The following SAMD5 variants were observed in gnomAD, a reference collection of about 807,000 sequenced individuals.
SAMD5 encodes the protein sterile alpha motif domain-containing protein 5.
In SAMD5, 13 loss-of-function variants were observed where a neutral mutation model predicts 11.3. The ratio of observed to expected loss-of-function variants is 1.15; its 90% CI spans 0.75 to 1.83. The LOEUF is 1.83. SAMD5 is among the 40% of genes most tolerant of loss of function. The probability of loss-of-function intolerance (pLI) is 0.00; values close to 1 mark genes in which losing one functional copy is unlikely to be tolerated. For synonymous variants in SAMD5, 129 were observed against 111.3 expected, an observed-to-expected ratio of 1.16 and a Z score of -1.00; for missense variants, 255 against 239.1, an observed-to-expected ratio of 1.07 and a Z score of -0.44.
the SAMD5 span, among the ~76,000 whole-genome samples, chr6:147,814,157 T>G: frequency 6.6e-6 from 1 of 152,192 alleles, no homozygotes; most frequent in African/African-American, 2.4e-5. Context: ...TGGAAAACAT[T>G]AGTATGCTTC....
intron 1 of SAMD5, among the ~76,000 whole-genome samples, chr6:147,531,066 A>C (rs1788422684): frequency 6.6e-6 from 1 of 152,188 alleles, no homozygotes; most frequent in Admixed American, 6.5e-5. Flanking sequence ...TTTCTGGCTG[A>C]AGAGGTCTAT....
At chr6:147,849,431 A>G in the SAMD5 span, among the ~76,000 whole-genome samples, 1 of 152,088 alleles carries the variant, frequency 6.6e-6, no homozygotes, top group African/African-American at 2.4e-5. Context: ...TGCTTCTGAA[A>G]GAAATACGTA....
At chr6:147,560,127 G>A (rs894140174) in intron 1 of SAMD5, among the ~76,000 whole-genome samples, 3 of 152,180 alleles carry the variant, frequency 2.0e-5, no homozygotes, top group African/African-American at 7.2e-5. Context: ...AGTAGTGGCT[G>A]ACATTACATA....
At chr6:147,951,718 G>C in the SAMD5 span, among the ~76,000 whole-genome samples, 1 of 152,138 alleles carries the variant, frequency 6.6e-6, no homozygotes, top group African/African-American at 2.4e-5. Context: ...AGACTTAAGG[G>C]GAATTTGATT....
the SAMD5 span, among the ~76,000 whole-genome samples, chr6:147,893,457 C>T: frequency 9.7e-4 from 148 of 152,222 alleles, 4 homozygotes; most frequent in East Asian, 0.028. Context: ...AATTTAAAAA[C>T]CATAGTAAAA....
chr6:147,782,231 A>G, the SAMD5 span, among the ~76,000 whole-genome samples: 1 of 152,286 alleles, frequency 6.6e-6, no homozygotes, highest in Non-Finnish European at 1.5e-5. Flanking sequence ...TTAAAGGTTG[A>G]AAAAGGTTCA....
At chr6:147,812,839 T>G in the SAMD5 span, among the ~76,000 whole-genome samples, 2 of 152,210 alleles carry the variant, frequency 1.3e-5, no homozygotes, top group Admixed American at 1.3e-4. Context: ...TGGATATAAG[T>G]GACAGTTTAA....
At chr6:147,693,378 A>G (rs996253630) in intron 1 of SAMD5, among the ~76,000 whole-genome samples, 1 of 152,194 alleles carries the variant, frequency 6.6e-6, no homozygotes, top group African/African-American at 2.4e-5. Context: ...GGACGCTGAC[A>G]GGGCTGCACA....
At chr6:147,588,210 G>A (rs973603899) in intron 1 of SAMD5, among the ~76,000 whole-genome samples, 15 of 151,218 alleles carry the variant, frequency 9.9e-5, no homozygotes, top group African/African-American at 3.2e-4. Flanking sequence ...AATCTCGGTG[G>A]GAACTTGAAA....
At chr6:147,683,408 T>C (rs964983954) in intron 1 of SAMD5, among the ~76,000 whole-genome samples, 1 of 152,246 alleles carries the variant, frequency 6.6e-6, no homozygotes, top group Non-Finnish European at 1.5e-5. Flanking sequence ...TTGGTATTTA[T>C]TGTATTAGGA....
At chr6:147,922,969 C>T in the SAMD5 span, among the ~76,000 whole-genome samples, 1 of 152,094 alleles carries the variant, frequency 6.6e-6, no homozygotes, top group African/African-American at 2.4e-5. Flanking sequence ...TCTGCCCCTG[C>T]ACCCCCTCAC....
At chr6:147,675,936 G>C (rs1473730714) in intron 1 of SAMD5, 1 of 152,134 alleles carries the variant, frequency 6.6e-6, no homozygotes, top group East Asian at 1.9e-4. Flanking sequence ...ATATGTTGGA[G>C]AATACCAAGA....
At chr6:147,552,641 G>A (rs1303160703) in intron 1 of SAMD5, among the ~76,000 whole-genome samples, 4 of 152,118 alleles carry the variant, frequency 2.6e-5, no homozygotes, top group African/African-American at 9.7e-5. Context: ...TCAATCAAAG[G>A]GTAGCAGGAA....
the SAMD5 span, among the ~76,000 whole-genome samples, chr6:147,817,564 T>C: frequency 6.6e-6 from 1 of 152,220 alleles, no homozygotes; most frequent in African/African-American, 2.4e-5. Context: ...ATAACACTCT[T>C]AGAAATATGG....
intron 1 of SAMD5, among the ~76,000 whole-genome samples, chr6:147,614,135 C>A (rs1192336280): frequency 2.0e-5 from 3 of 151,790 alleles, no homozygotes; most frequent in Admixed American, 2.0e-4. Flanking sequence ...TGTGAGGCAG[C>A]GAAGGTGGCA....
At chr6:147,893,195 T>A in the SAMD5 span, among the ~76,000 whole-genome samples, 2 of 146,816 alleles carry the variant, frequency 1.4e-5, no homozygotes, top group South Asian at 4.4e-4. Flanking sequence ...AGAGCGAAAC[T>A]CTGTCTAGAA....
At chr6:147,791,515 G>A in the SAMD5 span, among the ~76,000 whole-genome samples, 1 of 152,008 alleles carries the variant, frequency 6.6e-6, no homozygotes, top group Non-Finnish European at 1.5e-5. Flanking sequence ...TATGAATACA[G>A]CTTGTCTACT....
chr6:147,781,772 G>GCGCGCA, the SAMD5 span, among the ~76,000 whole-genome samples: 131 of 146,354 alleles, frequency 9.0e-4, no homozygotes, highest in African/African-American at 3.2e-3. Flanking sequence ...ATTTGTGTGC[G>GCGCGCA]CACACACACA....
intron 1 of SAMD5, among the ~76,000 whole-genome samples, chr6:147,557,361 G>A (rs1193802365): frequency 6.6e-6 from 1 of 152,210 alleles, no homozygotes; most frequent in Non-Finnish European, 1.5e-5. Flanking sequence ...TACCAACTGT[G>A]TGTTAAAACA....
Sources: allele counts gnomAD v4.1 joint callset (sites outside exome capture counted in the v4.1 genomes callset), GRCh38; gene constraint gnomAD v4.1.1; transcripts MANE v1.5; gene names NCBI Gene and HGNC (gene_info 2026-07-23, HGNC 2026-07-21).